Variants in DLG2 observed in about 807,000 individuals in gnomAD.
DLG2 encodes discs large MAGUK scaffold protein 2.
DLG2 carries 45 observed loss-of-function variants against 132.5 expected under a neutral mutation model. The ratio of observed to expected loss-of-function variants is 0.34; its 90% CI spans 0.27 to 0.44. DLG2 has a LOEUF of 0.44. Ranked by LOEUF, DLG2 falls within the 20% of genes least tolerant of loss-of-function variation. The pLI, the probability that DLG2 is intolerant of heterozygous loss-of-function variation, is 1.00. For synonymous variants in DLG2, 424 were observed against 419.6 expected, an observed-to-expected ratio of 1.01 and a Z score of -0.13; for missense variants, 1,045 against 1,196.9, an observed-to-expected ratio of 0.87 and a Z score of 1.87.
At chr11:85,554,512 C>CT (rs1246199937) in intron 3 of DLG2, among the ~76,000 whole-genome samples, 5 of 151,846 alleles carry the variant, frequency 3.3e-5, no homozygotes, top group African/African-American at 9.7e-5. Context: ...GCTGTCCTCA[C>CT]TCATTCCTAA....
Position 83,695,449 on chromosome 11 carries a change from TAA to T in DLG2, c.1826-62126_1826-62125del, listed in dbSNP as rs940232158. 3.9e-5 allele frequency among the ~76,000 whole-genome samples: 6 copies of T among 152,208 alleles called. No individual in the cohort carries two copies. In the East Asian group the frequency reaches 7.7e-4, roughly 20 times the overall value. Reference sequence around the variant, plus strand: ...GAAGAGGATAGAGTTTGTGATTCAGTAAAAGAGTCCTAGCTGGGTGCAGTGGC... The same window carrying T: ...GAAGAGGATAGAGTTTGTGATTCAGTAAGAGTCCTAGCTGGGTGCAGTGGC... On this transcript the variant is annotated intron_variant, in intron 18 of 27. Transcript: ENST00000376104.
intron 3 of DLG2, among the ~76,000 whole-genome samples, chr11:85,422,082 T>G (rs1259435956): frequency 1.3e-5 from 2 of 152,236 alleles, no homozygotes; most frequent in African/African-American, 4.8e-5. Context: ...TTTTCCTTTA[T>G]AGGTTACCTG....
chr11:85,541,592 CA>C (rs762456908), intron 3 of DLG2, among the ~76,000 whole-genome samples: 12 of 151,788 alleles, frequency 7.9e-5, no homozygotes, highest in Non-Finnish European at 1.6e-4. Context: ...AGATGGCTTA[CA>C]AAACTACTAC....
At chr11:85,016,279 T>C (rs1222181021) in intron 6 of DLG2, among the ~76,000 whole-genome samples, 2 of 152,160 alleles carry the variant, frequency 1.3e-5, no homozygotes, top group African/African-American at 4.8e-5. Context: ...AAATGCATGC[T>C]GAATATTTAC....
In DLG2 at chr11:84,020,390, ATACT is replaced by A. The variant is rs552119388; in HGVS notation, c.919+38921_919+38924del. Among the ~76,000 whole-genome samples, 38 of 152,334 alleles carry A rather than the reference ATACT, an allele frequency of 2.5e-4. No individual in the cohort carries two copies. The South Asian group carries it at 7.2e-3, about 29-fold the overall frequency. On this transcript the variant is annotated intron_variant, in intron 11 of 27. Coordinates refer to ENST00000376104, the MANE Select transcript of DLG2 (RefSeq NM_001142699.3). ...CAGTATACATTCATGTTGTCACTAC[ATACT>A]TACATACATACATACAAACAGGTAT... is the stretch of plus-strand genomic sequence containing the variant.
In DLG2 at chr11:84,255,774, A is replaced by G. The variant is rs1018181369; in HGVS notation, c.520-4483T>C. Reference sequence around the variant, plus strand: ...AAAATCTAGAACAAAATCTTTCTTTAATCAGAAAATTCAAGATTTATCTTT... The same window carrying G: ...AAAATCTAGAACAAAATCTTTCTTTGATCAGAAAATTCAAGATTTATCTTT... On this transcript the variant is annotated intron_variant, in intron 7 of 27. Coordinates refer to ENST00000376104, the MANE Select transcript of DLG2 (RefSeq NM_001142699.3). Among the ~76,000 whole-genome samples the G allele has an allele frequency of 2.6e-5, 4 of 152,192 alleles. No individual in the cohort carries two copies. The East Asian group carries it at 7.7e-4, about 29-fold the overall frequency.
At chr11:85,548,360 A>T (rs2076458716) in intron 3 of DLG2, among the ~76,000 whole-genome samples, 1 of 152,142 alleles carries the variant, frequency 6.6e-6, no homozygotes, top group South Asian at 2.1e-4. Flanking sequence ...TTGCTCTGGA[A>T]GTTTCGTCCC....
At chr11:83,707,370 T>C (rs2084273788) in intron 18 of DLG2, among the ~76,000 whole-genome samples, 1 of 152,206 alleles carries the variant, frequency 6.6e-6, no homozygotes, top group Non-Finnish European at 1.5e-5. Context: ...GCATGACATA[T>C]AACAAGTGCA....
intron 15 of DLG2, among the ~76,000 whole-genome samples, chr11:83,897,607 A>G (rs953827304): frequency 3.9e-5 from 6 of 152,218 alleles, no homozygotes; most frequent in African/African-American, 1.4e-4. Context: ...GCAGCTTGAT[A>G]AAGTGGAGGC....
chr11:84,038,640 T>A (rs181826536), intron 11 of DLG2, among the ~76,000 whole-genome samples: 11 of 152,236 alleles, frequency 7.2e-5, no homozygotes, highest in Admixed American at 5.9e-4. Context: ...CAGTTACTTT[T>A]CAAGATATTC....
rs1566441569 is a variant in DLG2, at chr11:84,934,515, G to GGTTTTTTTTTTT, written c.357+177145_357+177146insAAAAAAAAAAAC. 2.1e-3 allele frequency among the ~76,000 whole-genome samples: 84 copies of GGTTTTTTTTTTT among 40,474 alleles called. 1 individual carries two copies. Among genetic ancestry groups the GGTTTTTTTTTTT allele is most frequent in the South Asian group, 3.7e-3 (4 of 1,080 alleles). The allele number at this position is 40,474 out of a possible 152,430, so 26.6% of individuals were successfully genotyped here. On this transcript the variant is annotated intron_variant, in intron 6 of 27. Coordinates refer to ENST00000376104, the MANE Select transcript of DLG2 (RefSeq NM_001142699.3). ...GTATGGTCCTGGGTGTTTTTTTTTT[G>GGTTTTTTTTTTT]TTTTGTTTTGTTTTTTTTTTTTTTT...
intron 9 of DLG2, among the ~76,000 whole-genome samples, chr11:84,153,972 T>C (rs2095366667): frequency 6.6e-6 from 1 of 152,188 alleles, no homozygotes; most frequent in East Asian, 1.9e-4. Context: ...TATCTTACAT[T>C]GCTATCACTT....
intron 7 of DLG2, among the ~76,000 whole-genome samples, chr11:84,313,057 G>A (rs2098306742): frequency 6.6e-6 from 1 of 152,002 alleles, no homozygotes; most frequent in Non-Finnish European, 1.5e-5. Flanking sequence ...TGATCCACCC[G>A]CCTCAGCTCC....
At chr11:85,621,508 A>G (rs1185601689) in intron 2 of DLG2, among the ~76,000 whole-genome samples, 39 of 152,222 alleles carry the variant, frequency 2.6e-4, no homozygotes, top group Admixed American at 2.6e-3. Flanking sequence ...GCCATTAAGA[A>G]CATTCTTGAT....
intron 14 of DLG2, among the ~76,000 whole-genome samples, chr11:83,943,291 A>G (rs1565742722): frequency 6.6e-6 from 1 of 152,094 alleles, no homozygotes; most frequent in African/African-American, 2.4e-5. Context: ...GGAAAAAACT[A>G]TTTTTTCTTG....
intron 19 of DLG2, among the ~76,000 whole-genome samples, chr11:83,618,033 G>A (rs1010910581): frequency 3.3e-5 from 5 of 152,044 alleles, no homozygotes; most frequent in African/African-American, 1.2e-4. Context: ...ATTAGATTTA[G>A]GAAGCCCATT....
chr11:84,710,784 T>C (rs1313559046), intron 6 of DLG2, among the ~76,000 whole-genome samples: 3 of 151,232 alleles, frequency 2.0e-5, no homozygotes, highest in Non-Finnish European at 4.4e-5. Flanking sequence ...ATTATGTATT[T>C]TATATTAGGA....
intron 21 of DLG2, among the ~76,000 whole-genome samples, chr11:83,515,516 T>C (rs2140166611): frequency 6.6e-6 from 1 of 152,352 alleles, no homozygotes; most frequent in East Asian, 1.9e-4. Context: ...TTTGTGTCTC[T>C]ATTTCCTTCA....
In DLG2 at chr11:84,877,675, T is replaced by A. The variant is rs116827319; in HGVS notation, c.357+233986A>T. ...CGATTTGCCAGTCCATGTCTTTTAA[T>A]GAGGGCATTTAGCCCGTTTATATTT... On this transcript the variant is annotated intron_variant, in intron 6 of 27. Transcript: ENST00000376104. Among the ~76,000 whole-genome samples the A allele has an allele frequency of 4.1e-3, 628 of 152,176 alleles. 10 individuals carry two copies. Among genetic ancestry groups the A allele is most frequent in the African/African-American group, 0.014 (591 of 41,518 alleles).
Sources: gnomAD v4.1 joint callset for allele counts (sites outside exome capture counted in the v4.1 genomes callset) on GRCh38, gnomAD v4.1.1 for gene constraint, MANE v1.5 for transcripts, NCBI Gene and HGNC (gene_info 2026-07-23, HGNC 2026-07-21) for gene names.